The following PIK3C2G variants were observed in gnomAD, a reference collection of about 807,000 sequenced individuals.
PIK3C2G encodes phosphatidylinositol-4-phosphate 3-kinase catalytic subunit type 2 gamma.
PIK3C2G carries 168 observed loss-of-function variants against 181.1 expected under a neutral mutation model. The ratio of observed to expected loss-of-function variants is 0.93; its 90% CI spans 0.82 to 1.05. The LOEUF (loss-of-function observed/expected upper bound fraction) is 1.05. PIK3C2G is among the 50% of genes least tolerant of loss of function. The pLI is 0.00. For missense variants in PIK3C2G, 1,869 were observed against 1,732.8 expected (o/e 1.08, Z -1.40); for synonymous variants, 573 against 592.2 (o/e 0.97, Z 0.47).
chr12:18,398,660 C>A (rs961758977), intron 15 of PIK3C2G, among the ~76,000 whole-genome samples: 2 of 152,068 alleles, frequency 1.3e-5, no homozygotes, highest in African/African-American at 4.8e-5. Context: ...AAATTGTCAG[C>A]AAGTCAAGGC....
At chr12:18,379,086 T>G (rs1942660246) in intron 13 of PIK3C2G, among the ~76,000 whole-genome samples, 1 of 152,010 alleles carries the variant, frequency 6.6e-6, no homozygotes, top group South Asian at 2.1e-4. Context: ...GCGGCACTAT[T>G]CACAATAGCA....
chr12:18,348,847 G>C (rs962905493), intron 11 of PIK3C2G, among the ~76,000 whole-genome samples: 1 of 152,142 alleles, frequency 6.6e-6, no homozygotes, highest in African/African-American at 2.4e-5. Context: ...TTTGCTGGGT[G>C]GATCTGGCTT....
intron 29 of PIK3C2G, among the ~76,000 whole-genome samples, chr12:18,593,178 C>A (rs2136484888): frequency 6.6e-6 from 1 of 152,028 alleles, no homozygotes; most frequent in Non-Finnish European, 1.5e-5. Flanking sequence ...TCAAGTATTA[C>A]CCCATCCTAA....
intron 24 of PIK3C2G, among the ~76,000 whole-genome samples, chr12:18,528,061 T>C (rs114387335): frequency 0.012 from 1,827 of 152,290 alleles, 33 homozygotes; most frequent in African/African-American, 0.042. Flanking sequence ...ATGTTCTTTC[T>C]ATAATAGTAC....
intron 4 of PIK3C2G, among the ~76,000 whole-genome samples, chr12:18,291,656 A>C (rs1370508331): frequency 6.6e-6 from 1 of 152,198 alleles, no homozygotes; most frequent in African/African-American, 2.4e-5. Context: ...TTAAACATTT[A>C]GATTGCTATT....
At chr12:18,625,197 C>G (rs910883501) in intron 31 of PIK3C2G, among the ~76,000 whole-genome samples, 1 of 151,516 alleles carries the variant, frequency 6.6e-6, no homozygotes, top group Non-Finnish European at 1.5e-5. Context: ...TTTGCTGTAT[C>G]TCATGTTTTG....
chr12:18,609,613 A>C lies in PIK3C2G; in HGVS notation c.4166A>C (p.Lys1389Thr), dbSNP rs1366451056. The C allele has an allele frequency of 6.4e-7, 1 of 1,562,474 alleles. No individual in the cohort carries two copies. The highest frequency in any genetic ancestry group is 8.7e-7 in the Non-Finnish European group (1 of 1,146,524). ...YEDVKLTILV[K>T]HMKNIHLPDG... is the part of the protein sequence containing the mutation. ...GATGTGAAGCTGACCATACTAGTGAAACACATGAAAAACATTGTAAGTTTA... is the reference window on the plus strand; with the variant it reads ...GATGTGAAGCTGACCATACTAGTGACACACATGAAAAACATTGTAAGTTTA... The change falls in exon 31 of 33, where the codon AAA (lysine) becomes ACA (threonine). Residue 1389 changes from lysine (K) to threonine (T), a missense_variant. Transcript: ENST00000538779.
intron 16 of PIK3C2G, among the ~76,000 whole-genome samples, chr12:18,418,356 G>A (rs1287046526): frequency 6.6e-6 from 1 of 152,024 alleles, no homozygotes; most frequent in Non-Finnish European, 1.5e-5. Context: ...GTTACAGTGT[G>A]CACAAAGGTG....
chr12:18,569,442 G>A (rs1945812590), intron 29 of PIK3C2G, among the ~76,000 whole-genome samples: 1 of 152,078 alleles, frequency 6.6e-6, no homozygotes, highest in Non-Finnish European at 1.5e-5. Flanking sequence ...ACAATGCAGT[G>A]ATAGCCCATT....
intron 29 of PIK3C2G, among the ~76,000 whole-genome samples, chr12:18,580,604 C>T (rs899489419): frequency 2.0e-5 from 3 of 152,156 alleles, no homozygotes; most frequent in Admixed American, 2.0e-4. Context: ...ACACAGTCTA[C>T]TAAAATGTTG....
At chr12:18,365,745 T>C (rs1177069038) in intron 12 of PIK3C2G, among the ~76,000 whole-genome samples, 1 of 152,126 alleles carries the variant, frequency 6.6e-6, no homozygotes, top group Non-Finnish European at 1.5e-5. Flanking sequence ...GCTCCCAAAT[T>C]TATATCACTA....
intron 18 of PIK3C2G, among the ~76,000 whole-genome samples, chr12:18,454,453 T>C (rs1173505141): frequency 6.6e-6 from 1 of 152,010 alleles, no homozygotes; most frequent in Non-Finnish European, 1.5e-5. Context: ...GGTATTAGAG[T>C]GTGCTTAGCA....
At chr12:18,307,750 A>G (rs1950480283) in intron 5 of PIK3C2G, among the ~76,000 whole-genome samples, 1 of 151,740 alleles carries the variant, frequency 6.6e-6, no homozygotes, top group African/African-American at 2.4e-5. Flanking sequence ...TCTTTCTATT[A>G]TTTAATGCTT....
intron 8 of PIK3C2G, among the ~76,000 whole-genome samples, chr12:18,335,865 T>C (rs1315340773): frequency 6.6e-6 from 1 of 152,186 alleles, no homozygotes; most frequent in Non-Finnish European, 1.5e-5. Flanking sequence ...TAAGAAGTAC[T>C]GCAAGACTGG....
chr12:18,700,512 C>CAGAAAAAA, the PIK3C2G span, among the ~76,000 whole-genome samples: 1 of 67,896 alleles, frequency 1.5e-5, no homozygotes, highest in Non-Finnish European at 2.5e-5. Flanking sequence ...AGCCAACGTA[C>CAGAAAAAA]AAAAAAAAAA....
At chr12:18,291,136 TAAG>T (rs983427083) in intron 4 of PIK3C2G, 124 bp downstream of exon 4, 5 of 588,780 alleles carry the variant, frequency 8.5e-6, no homozygotes, top group Admixed American at 6.8e-5. Context: ...TGAAGTGAAA[TAAG>T]AAGAAAACAT....
Position 18,497,305 on chromosome 12 carries a change from TG to T in PIK3C2G, c.2887-313del, listed in dbSNP as rs575810421. ...AATTTGAATAAACATTCATCCAGCC[TG>T]TCTTTGCCAGACTTTGAATCTGAGA... On this transcript the variant is annotated intron_variant, in intron 21 of 32. Transcript: ENST00000538779. Among the ~76,000 whole-genome samples the T allele has an allele frequency of 1.9e-3, 294 of 152,308 alleles. 1 individual carries two copies. Among genetic ancestry groups the T allele is most frequent in the African/African-American group, 6.7e-3 (278 of 41,578 alleles).
intron 31 of PIK3C2G, among the ~76,000 whole-genome samples, chr12:18,635,922 AC>A (rs1949582727): frequency 2.0e-5 from 3 of 152,120 alleles, no homozygotes; most frequent in Admixed American, 1.3e-4. Context: ...GCAACAACGT[AC>A]CCTTTATCTT....
chr12:18,695,598 A>G, the PIK3C2G span, among the ~76,000 whole-genome samples: 2 of 152,036 alleles, frequency 1.3e-5, no homozygotes, highest in South Asian at 2.1e-4. Flanking sequence ...CCCAGCCCCA[A>G]TATCCCCCCT....
Sources: allele counts gnomAD v4.1 joint callset (sites outside exome capture counted in the v4.1 genomes callset), GRCh38; gene constraint gnomAD v4.1.1; transcripts MANE v1.5; gene names NCBI Gene and HGNC (gene_info 2026-07-23, HGNC 2026-07-21).